Variants in ANO10 observed in about 807,000 individuals in gnomAD.
The protein encoded by ANO10 is anoctamin 10, also known as anoctamin-10.
In ANO10, 77 loss-of-function variants were observed where a neutral mutation model predicts 74.7. That is an observed-to-expected ratio of 1.03 (90% CI 0.86 to 1.25). ANO10 has a LOEUF of 1.25. Ranked by LOEUF, ANO10 falls within the 50% of genes most tolerant of loss-of-function variation. The pLI, the probability that ANO10 is intolerant of heterozygous loss-of-function variation, is 0.00. For missense variants in ANO10, 721 were observed against 778.1 expected, an observed-to-expected ratio of 0.93 and a Z score of 0.87; for synonymous variants, 279 against 284.9, an observed-to-expected ratio of 0.98 and a Z score of 0.21.
intron 1 of ANO10, among the ~76,000 whole-genome samples, chr3:43,687,953 C>G (rs769246184): frequency 2.0e-5 from 3 of 152,138 alleles, no homozygotes; most frequent in Non-Finnish European, 4.4e-5. Flanking sequence ...TCCACCATTG[C>G]TGGCAACACC....
intron 11 of ANO10, among the ~76,000 whole-genome samples, chr3:43,517,829 C>T (rs917763602): frequency 1.3e-5 from 2 of 152,184 alleles, no homozygotes; most frequent in African/African-American, 4.8e-5. Flanking sequence ...GATAAGCCCA[C>T]TGATTGTGTG....
At chr3:43,496,457 G>A (rs183815819) in intron 11 of ANO10, among the ~76,000 whole-genome samples, 3 of 151,644 alleles carry the variant, frequency 2.0e-5, no homozygotes, top group Admixed American at 2.0e-4. Context: ...TTTTTGAGGC[G>A]GGTTCTTGCT....
intron 12 of ANO10, among the ~76,000 whole-genome samples, chr3:43,423,016 T>C (rs1034387249): frequency 4.6e-5 from 7 of 152,180 alleles, no homozygotes; most frequent in Non-Finnish European, 1.0e-4. Flanking sequence ...AAGTGCAAAG[T>C]ACAAACTATT....
chr3:43,420,367 G>T (rs1221236965), intron 12 of ANO10, among the ~76,000 whole-genome samples: 5 of 151,996 alleles, frequency 3.3e-5, no homozygotes, highest in Non-Finnish European at 5.9e-5. Flanking sequence ...GATAGCTTGA[G>T]CCCAGGAGGT....
chr3:43,459,033 T>C lies in ANO10; in HGVS notation c.1798-26306A>G, dbSNP rs549608184. ...CAAAGTCTCTGAGCCCCTTGAGTTA[T>C]GTGTAACCAGGTGGAACATAAATAT... On this transcript the variant is annotated intron_variant, in intron 11 of 12. Coordinates refer to ENST00000292246, the MANE Select transcript of ANO10 (RefSeq NM_018075.5). 5.3e-5 allele frequency among the ~76,000 whole-genome samples: 8 copies of C among 152,328 alleles called. No homozygotes were observed. In the East Asian group the frequency reaches 1.2e-3, roughly 22 times the overall value.
intron 11 of ANO10, among the ~76,000 whole-genome samples, chr3:43,537,768 A>C (rs938227953): frequency 2.4e-4 from 36 of 152,194 alleles, no homozygotes; most frequent in Admixed American, 2.4e-3. Flanking sequence ...TTTCAGTAAC[A>C]TAACATAATG....
At chr3:43,495,274 G>A (rs535159142) in intron 11 of ANO10, among the ~76,000 whole-genome samples, 1 of 150,800 alleles carries the variant, frequency 6.6e-6, no homozygotes. Flanking sequence ...ATGTAAATAA[G>A]ACACATAGCA....
At chr3:43,547,012 T>G (rs1709231449) in intron 11 of ANO10, among the ~76,000 whole-genome samples, 1 of 151,986 alleles carries the variant, frequency 6.6e-6, no homozygotes, top group Non-Finnish European at 1.5e-5. Flanking sequence ...CTTTCAAAAA[T>G]TAAAGATACA....
intron 12 of ANO10, among the ~76,000 whole-genome samples, chr3:43,371,886 C>T (rs1235357544): frequency 6.6e-6 from 1 of 152,138 alleles, no homozygotes; most frequent in Non-Finnish European, 1.5e-5. Flanking sequence ...AAAAGTTTAC[C>T]TCAGTGTTCT....
intron 11 of ANO10, among the ~76,000 whole-genome samples, chr3:43,533,998 T>C (rs148346288): frequency 1.3e-5 from 2 of 152,336 alleles, no homozygotes; most frequent in African/African-American, 4.8e-5. Flanking sequence ...ACATTAAATA[T>C]GCCTGGAAGC....
chr3:43,622,604 C>T (rs959019474), upstream of ANO10, among the ~76,000 whole-genome samples: 42 of 152,320 alleles, frequency 2.8e-4, no homozygotes, highest in African/African-American at 6.0e-4. Flanking sequence ...AATCCCAAAA[C>T]CCTTGCTCCT....
At chr3:43,395,583 G>A (rs1386026707) in intron 12 of ANO10, among the ~76,000 whole-genome samples, 1 of 152,166 alleles carries the variant, frequency 6.6e-6, no homozygotes, top group Non-Finnish European at 1.5e-5. Context: ...TCAAAAATCA[G>A]TAGTACATAC....
intron 11 of ANO10, among the ~76,000 whole-genome samples, chr3:43,501,411 G>A (rs544035077): frequency 1.3e-5 from 2 of 152,262 alleles, no homozygotes; most frequent in South Asian, 4.1e-4. Flanking sequence ...TCAACATGAG[G>A]TTTGGAGGGA....
At chr3:43,507,165 T>G (rs993271918) in intron 11 of ANO10, among the ~76,000 whole-genome samples, 8 of 152,192 alleles carry the variant, frequency 5.3e-5, no homozygotes, top group Admixed American at 4.6e-4. Flanking sequence ...ACCCAAGAGT[T>G]GATAAGTACA....
At chr3:43,483,502 G>T (rs948917727) in intron 11 of ANO10, among the ~76,000 whole-genome samples, 5 of 152,188 alleles carry the variant, frequency 3.3e-5, no homozygotes, top group Admixed American at 1.3e-4. Flanking sequence ...AGACACAAAA[G>T]ACTAAAATCA....
At chr3:43,598,277 A>G (rs1226846367) in intron 4 of ANO10, among the ~76,000 whole-genome samples, 1 of 152,200 alleles carries the variant, frequency 6.6e-6, no homozygotes, top group Non-Finnish European at 1.5e-5. Flanking sequence ...TAATTGAGTA[A>G]TATGTATATG....
chr3:43,417,101 T>C (rs2092751147), intron 12 of ANO10, among the ~76,000 whole-genome samples: 1 of 152,138 alleles, frequency 6.6e-6, no homozygotes, highest in South Asian at 2.1e-4. Flanking sequence ...AAGTCCTCAG[T>C]AAGGTTTTCC....
intron 12 of ANO10, among the ~76,000 whole-genome samples, chr3:43,380,687 A>G (rs2091935707): frequency 6.6e-6 from 1 of 152,228 alleles, no homozygotes. Context: ...AACTGCTAAA[A>G]GGAGCTCTAA....
At chr3:43,662,043 G>A (rs2083932522) in intron 1 of ANO10, among the ~76,000 whole-genome samples, 1 of 152,106 alleles carries the variant, frequency 6.6e-6, no homozygotes, top group Admixed American at 6.6e-5. Context: ...ACTCAGATCT[G>A]CACCAAGCGG....
Sources: allele counts gnomAD v4.1 joint callset (sites outside exome capture counted in the v4.1 genomes callset), GRCh38; gene constraint gnomAD v4.1.1; transcripts MANE v1.5; gene names NCBI Gene and HGNC (gene_info 2026-07-23, HGNC 2026-07-21).